SYNDIG1: variants seen among roughly 807,000 people sequenced by gnomAD.
SYNDIG1 encodes the protein synapse differentiation-inducing gene protein 1.
A neutral mutation model predicts 19.4 loss-of-function variants in SYNDIG1; 9 were observed. The observed-to-expected ratio is 0.46, with a 90% CI of 0.28 to 0.81. SYNDIG1 has a LOEUF of 0.81. Among genes scored for constraint, SYNDIG1 ranks in the 30% least tolerant of loss-of-function variants. SYNDIG1 has a pLI of 0.12. For missense variants in SYNDIG1, 311 were observed against 343.3 expected, an observed-to-expected ratio of 0.91 and a Z score of 0.74; for synonymous variants, 141 against 145.9, an observed-to-expected ratio of 0.97 and a Z score of 0.24.
intron 3 of SYNDIG1, among the ~76,000 whole-genome samples, chr20:24,659,108 C>T (rs6076247): frequency 0.17 from 25,454 of 152,092 alleles, 2,856 homozygotes; most frequent in Middle Eastern, 0.27. Flanking sequence ...GCATACTGCC[C>T]GAACTGGAGC....
chr20:24,602,020 C>T (rs1199116258), intron 3 of SYNDIG1, among the ~76,000 whole-genome samples: 1 of 151,836 alleles, frequency 6.6e-6, no homozygotes, highest in Non-Finnish European at 1.5e-5. Context: ...TCTAGAATTC[C>T]CATGTGTCTT....
intron 1 of SYNDIG1, among the ~76,000 whole-genome samples, chr20:24,522,953 T>C (rs904956051): frequency 6.6e-6 from 1 of 152,184 alleles, no homozygotes; most frequent in African/African-American, 2.4e-5. Flanking sequence ...AAGCCCTTCA[T>C]GAGGAATTCA....
chr20:24,509,196 A>C (rs199710608), intron 1 of SYNDIG1, among the ~76,000 whole-genome samples: 2 of 145,034 alleles, frequency 1.4e-5, no homozygotes, highest in Non-Finnish European at 2.9e-5. Context: ...GTGTACACAC[A>C]TGTGTGTATG....
intron 1 of SYNDIG1, among the ~76,000 whole-genome samples, chr20:24,512,215 A>G (rs2056762463): frequency 6.8e-6 from 1 of 147,624 alleles, no homozygotes; most frequent in East Asian, 2.0e-4. Flanking sequence ...AGCGTGAGCG[A>G]TGAAGAAGAT....
At chr20:24,590,875 G>T (rs2058498880) in intron 3 of SYNDIG1, among the ~76,000 whole-genome samples, 2 of 152,178 alleles carry the variant, frequency 1.3e-5, no homozygotes, top group Admixed American at 1.3e-4. Flanking sequence ...CTTCAGGCAT[G>T]CAGGGAGGGA....
chr20:24,494,152 GGCGGGGCGGC>G (rs1459153945), intron 1 of SYNDIG1, among the ~76,000 whole-genome samples: 2 of 152,288 alleles, frequency 1.3e-5, no homozygotes, highest in East Asian at 3.9e-4. Flanking sequence ...GAGGGCCGGG[GGCGGGGCGGC>G]GCGCATGGCC....
Position 24,665,627 on chromosome 20 carries a change from T to C in SYNDIG1, c.*123T>C, listed in dbSNP as rs2059641447. Reference sequence around the variant, plus strand: ...CAAATGATGCCACGAAGCCCTGGGATTTCCTACCCATGGATTTATTTTGTT... The same window carrying C: ...CAAATGATGCCACGAAGCCCTGGGACTTCCTACCCATGGATTTATTTTGTT... On this transcript the variant is annotated 3_prime_UTR_variant, in exon 4 of 4. Coordinates refer to ENST00000376862, the MANE Select transcript of SYNDIG1 (RefSeq NM_024893.3). 7.2e-7 allele frequency: 1 copy of C among 1,379,424 alleles called. No homozygotes were observed. The highest frequency in any genetic ancestry group is 1.5e-5 in the African/African-American group (1 of 67,512). The allele number at this position is 1,379,424 out of a possible 1,614,324, so 85.4% of individuals were successfully genotyped here. A position where few individuals can be genotyped will look rare whatever the true frequency, so the allele number is the denominator to read the frequency against.
chr20:24,648,614 G>T (rs2059442209), intron 3 of SYNDIG1, among the ~76,000 whole-genome samples: 1 of 152,246 alleles, frequency 6.6e-6, no homozygotes, highest in Admixed American at 6.5e-5. Context: ...GGAGAGGCCA[G>T]CAGGGCCAGC....
At chr20:24,471,410 G>A (rs2055451334) in intron 1 of SYNDIG1, among the ~76,000 whole-genome samples, 1 of 151,680 alleles carries the variant, frequency 6.6e-6, no homozygotes, top group Non-Finnish European at 1.5e-5. Flanking sequence ...CGTTCTTTTG[G>A]AGGTCCACAC....
chr20:24,588,267 G>T (rs1454922421), intron 3 of SYNDIG1, among the ~76,000 whole-genome samples: 1 of 152,210 alleles, frequency 6.6e-6, no homozygotes, highest in Non-Finnish European at 1.5e-5. Flanking sequence ...TCCAGGTGCT[G>T]GGGGTCCAGA....
chr20:24,574,256 T>G (rs2058191565), intron 2 of SYNDIG1, among the ~76,000 whole-genome samples: 1 of 151,646 alleles, frequency 6.6e-6, no homozygotes, highest in Non-Finnish European at 1.5e-5. Context: ...GGTGGGCAGA[T>G]TGCCTGAGCT....
chr20:24,492,991 G>GA (rs1293309400), intron 1 of SYNDIG1, among the ~76,000 whole-genome samples: 1 of 152,228 alleles, frequency 6.6e-6, no homozygotes, highest in African/African-American at 2.4e-5. Context: ...CTGGAGAAGA[G>GA]AAAATCTACA....
At chr20:24,601,098 T>C (rs2058673707) in intron 3 of SYNDIG1, among the ~76,000 whole-genome samples, 1 of 152,218 alleles carries the variant, frequency 6.6e-6, no homozygotes, top group Admixed American at 6.5e-5. Context: ...GGAAAACAAT[T>C]ATATGAATAT....
intron 3 of SYNDIG1, among the ~76,000 whole-genome samples, chr20:24,644,336 A>G (rs2059404675): frequency 6.6e-6 from 1 of 152,278 alleles, no homozygotes; most frequent in South Asian, 2.1e-4. Context: ...AGATGGCCAC[A>G]GCATTTCCTA....
intron 3 of SYNDIG1, among the ~76,000 whole-genome samples, chr20:24,589,921 T>G (rs1423157846): frequency 2.0e-5 from 3 of 152,188 alleles, no homozygotes. Context: ...ATTTACCCAC[T>G]GATTAGTGAA....
At chr20:24,571,065 G>T (rs751958248) in intron 2 of SYNDIG1, among the ~76,000 whole-genome samples, 1 of 152,156 alleles carries the variant, frequency 6.6e-6, no homozygotes, top group Non-Finnish European at 1.5e-5. Context: ...ATGCCTGCTC[G>T]AAAAGACGAA....
intron 3 of SYNDIG1, among the ~76,000 whole-genome samples, chr20:24,588,131 G>A (rs542172540): frequency 6.6e-6 from 1 of 152,302 alleles, no homozygotes; most frequent in Non-Finnish European, 1.5e-5. Context: ...GACCCATACA[G>A]TGATGTTAAA....
intron 2 of SYNDIG1, among the ~76,000 whole-genome samples, chr20:24,558,306 C>G (rs185392877): frequency 2.5e-3 from 376 of 152,298 alleles, no homozygotes; most frequent in African/African-American, 8.8e-3. Context: ...TCATGTCCCT[C>G]TTTGTGTCTA....
chr20:24,497,974 C>T (rs1007388020), intron 1 of SYNDIG1, among the ~76,000 whole-genome samples: 2 of 152,254 alleles, frequency 1.3e-5, no homozygotes, highest in East Asian at 1.9e-4. Context: ...TCAACACAGG[C>T]TGTCATATAG....
Sources: allele counts gnomAD v4.1 joint callset (sites outside exome capture counted in the v4.1 genomes callset), GRCh38; gene constraint gnomAD v4.1.1; transcripts MANE v1.5; gene names NCBI Gene and HGNC (gene_info 2026-07-23, HGNC 2026-07-21).